The following MYO16 variants were observed in gnomAD, a reference collection of about 807,000 sequenced individuals.
The protein encoded by MYO16 is myosin XVI.
Under a neutral mutation model 205.3 loss-of-function variants are expected in MYO16, and 94 were observed. The observed-to-expected ratio is 0.46, with a 90% confidence interval of 0.39 to 0.54. The LOEUF is 0.54. Among genes scored for constraint, MYO16 ranks in the 20% least tolerant of loss-of-function variants. MYO16 has a pLI of 0.00. For synonymous variants in MYO16, 988 were observed against 954.0 expected (o/e 1.04, Z -0.66); for missense variants, 2,315 against 2,387.5 (o/e 0.97, Z 0.63).
chr13:109,204,253 T>A (rs115444882), intron 34 of MYO16, among the ~76,000 whole-genome samples: 1 of 152,362 alleles, frequency 6.6e-6, no homozygotes, highest in Non-Finnish European at 1.5e-5. Flanking sequence ...GGAAACATGG[T>A]GTCTTAAGAA....
At chr13:109,011,729 G>C (rs995549406) in intron 22 of MYO16, among the ~76,000 whole-genome samples, 1 of 151,932 alleles carries the variant, frequency 6.6e-6, no homozygotes, top group African/African-American at 2.4e-5. Flanking sequence ...TGGCCAGGAT[G>C]GTCTGGATCT....
intron 12 of MYO16, among the ~76,000 whole-genome samples, chr13:108,874,502 C>T (rs186298142): frequency 3.3e-4 from 50 of 152,134 alleles, no homozygotes; most frequent in Admixed American, 7.9e-4. Context: ...GCAAGCAAAT[C>T]AGTATAAGAA....
chr13:109,049,925 C>CCT, intron 24 of MYO16, among the ~76,000 whole-genome samples: 1 of 113,444 alleles, frequency 8.8e-6, no homozygotes, highest in East Asian at 2.8e-4. Context: ...CTTCCTTTGT[C>CCT]CTGTGTGTGT....
chr13:108,611,502 C>T (rs1213404406), intron 1 of MYO16, among the ~76,000 whole-genome samples: 1 of 152,166 alleles, frequency 6.6e-6, no homozygotes, highest in African/African-American at 2.4e-5. Flanking sequence ...TTGAACACTA[C>T]AGTCTTTAGA....
chr13:109,173,099 G>A (rs939280129), intron 33 of MYO16, among the ~76,000 whole-genome samples: 7 of 152,198 alleles, frequency 4.6e-5, no homozygotes, highest in African/African-American at 1.7e-4. Flanking sequence ...AAAATAATAT[G>A]AAGGGCAGGA....
At chr13:109,199,490 T>G (rs973760372) in intron 34 of MYO16, among the ~76,000 whole-genome samples, 1 of 151,920 alleles carries the variant, frequency 6.6e-6, no homozygotes. Context: ...TTATAAAAAG[T>G]TCCAGAAAAG....
the MYO16 span, among the ~76,000 whole-genome samples, chr13:108,570,566 G>A: frequency 6.6e-6 from 1 of 152,158 alleles, no homozygotes; most frequent in East Asian, 1.9e-4. Context: ...TTAAATGTTT[G>A]TGATAACACA....
intron 6 of MYO16, among the ~76,000 whole-genome samples, chr13:108,800,924 A>G (rs1886950508): frequency 6.6e-6 from 1 of 152,204 alleles, no homozygotes; most frequent in South Asian, 2.1e-4. Context: ...TCCAAGTTAT[A>G]CATGTGGAAA....
chr13:108,964,988 AG>A, intron 20 of MYO16, 86 bp downstream of exon 20: 1 of 1,352,828 alleles, frequency 7.4e-7, no homozygotes, highest in Non-Finnish European at 1.0e-6. Context: ...TTCATATTAC[AG>A]GGTAACCAAT....
chr13:108,685,007 GT>G lies in MYO16; in HGVS notation c.292+18859del, dbSNP rs796488665. On this transcript the variant is annotated intron_variant, in intron 2 of 34. Coordinates refer to ENST00000457511, the MANE Select transcript of MYO16 (RefSeq NM_001198950.3). Reference sequence around the variant, plus strand: ...ACAAATTATTGAACCCAAGAAGAGGGTCATGGGAACCACCCCAATTTTTTTT... The same window carrying G: ...ACAAATTATTGAACCCAAGAAGAGGGCATGGGAACCACCCCAATTTTTTTT... Among the ~76,000 whole-genome samples the G allele has an allele frequency of 9.5e-5, 14 of 147,130 alleles. 1 individual carries two copies. Among genetic ancestry groups the G allele is most frequent in the African/African-American group, 3.5e-4 (14 of 39,630 alleles).
intron 3 of MYO16, among the ~76,000 whole-genome samples, chr13:108,714,596 G>GTGTGTC (rs199915013): frequency 5.8e-4 from 83 of 142,176 alleles, no homozygotes; most frequent in Middle Eastern, 3.4e-3. Context: ...GTGTGTCTGT[G>GTGTGTC]TGTGTGTGTG....
chr13:108,497,162 G>A, the MYO16 span, among the ~76,000 whole-genome samples: 3 of 152,184 alleles, frequency 2.0e-5, no homozygotes, highest in African/African-American at 7.2e-5. Flanking sequence ...TGAGATCAAA[G>A]CCACATGATT....
intron 2 of MYO16, among the ~76,000 whole-genome samples, chr13:108,683,887 T>G (rs1335511089): frequency 6.6e-6 from 1 of 152,064 alleles, no homozygotes; most frequent in Non-Finnish European, 1.5e-5. Context: ...TTGCCTTCTT[T>G]TCGTTTTTAG....
intron 11 of MYO16, among the ~76,000 whole-genome samples, chr13:108,861,100 A>G (rs577934306): frequency 6.6e-6 from 1 of 152,308 alleles, no homozygotes; most frequent in East Asian, 1.9e-4. Context: ...ACAAGGTAAT[A>G]TACAACTCAT....
intron 27 of MYO16, among the ~76,000 whole-genome samples, chr13:109,059,948 G>C (rs9521142): frequency 0.49 from 75,106 of 151,950 alleles, 18,563 homozygotes; most frequent in Middle Eastern, 0.55. Flanking sequence ...GAGATACCAT[G>C]TCAGTTAGAA....
intron 1 of MYO16, among the ~76,000 whole-genome samples, chr13:108,632,070 C>T (rs1369654689): frequency 7.1e-6 from 1 of 141,032 alleles, no homozygotes; most frequent in Non-Finnish European, 1.5e-5. Context: ...AAGAGCAAAA[C>T]CCCAACTCAA....
chr13:109,020,101 T>C (rs1885971362), intron 23 of MYO16, among the ~76,000 whole-genome samples, 190 bp downstream of exon 23: 1 of 152,176 alleles, frequency 6.6e-6, no homozygotes, highest in African/African-American at 2.4e-5. Flanking sequence ...TTCAGAATGA[T>C]GACGCACACT....
chr13:109,003,628 G>A (rs1348881635), intron 21 of MYO16, among the ~76,000 whole-genome samples: 2 of 152,144 alleles, frequency 1.3e-5, no homozygotes, highest in Non-Finnish European at 2.9e-5. Context: ...TGTTTGCCAC[G>A]GTTTCATCTA....
intron 7 of MYO16, among the ~76,000 whole-genome samples, chr13:108,809,929 T>C (rs552520582): frequency 2.0e-5 from 3 of 152,208 alleles, no homozygotes; most frequent in African/African-American, 7.2e-5. Flanking sequence ...ACCATAAACA[T>C]CTATAGAAAG....
Sources: allele counts gnomAD v4.1 joint callset (sites outside exome capture counted in the v4.1 genomes callset), GRCh38; gene constraint gnomAD v4.1.1; transcripts MANE v1.5; gene names NCBI Gene and HGNC (gene_info 2026-07-23, HGNC 2026-07-21).